Variants in CUEDC1 observed in about 807,000 individuals in gnomAD.
CUEDC1 encodes CUE domain containing 1, also known as CUE domain-containing protein 1.
CUEDC1 carries 30 observed loss-of-function variants against 43.7 expected under a neutral mutation model. That is an observed-to-expected ratio of 0.69 (90% CI 0.51 to 0.93). The LOEUF (loss-of-function observed/expected upper bound fraction) is 0.93, where lower values mean the gene tolerates loss of function less well. Ranked by LOEUF, CUEDC1 falls within the 40% of genes least tolerant of loss-of-function variation. CUEDC1 has a pLI of 0.00. For synonymous variants in CUEDC1, 223 were observed against 223.6 expected (o/e 1.00, Z 0.02); for missense variants, 486 against 549.0 (o/e 0.89, Z 1.15).
chr17:57,895,628 C>T (rs2074400418), intron 1 of CUEDC1, among the ~76,000 whole-genome samples: 1 of 152,204 alleles, frequency 6.6e-6, no homozygotes, highest in Admixed American at 6.5e-5. Flanking sequence ...GCCACCAGCT[C>T]AGCCAAGATA....
chr17:57,913,807 G>A (rs1348018683), intron 1 of CUEDC1, among the ~76,000 whole-genome samples: 3 of 152,164 alleles, frequency 2.0e-5, no homozygotes, highest in Non-Finnish European at 2.9e-5. Flanking sequence ...CCACTGGCCA[G>A]CACCCCACCC....
chr17:57,871,197 C>G, intron 6 of CUEDC1, 89 bp downstream of exon 6: 1 of 1,064,318 alleles, frequency 9.4e-7, no homozygotes, highest in Non-Finnish European at 1.5e-6. Flanking sequence ...TTTTTTCACC[C>G]TCCTCTCAAA....
chr17:57,912,718 A>G lies in CUEDC1; in HGVS notation c.-315-26839T>C, dbSNP rs543754432. 7.4e-4 allele frequency among the ~76,000 whole-genome samples: 113 copies of G among 152,350 alleles called. 3 individuals carry two copies. The South Asian group carries it at 0.023, about 30-fold the overall frequency. On this transcript the variant is annotated intron_variant, in intron 1 of 10. Transcript: ENST00000577830. ...CGCCACTGTGTAAAAATAAACTGCA[A>G]AAAGACCACTCAGGGAAGCTCCATC...
intron 6 of CUEDC1, among the ~76,000 whole-genome samples, chr17:57,870,677 TTC>T (rs1374160917): frequency 7.7e-6 from 1 of 129,874 alleles, no homozygotes; most frequent in African/African-American, 3.1e-5. Flanking sequence ...GGTCCTTTTC[TTC>T]TTTTTTTTTT....
chr17:57,913,952 G>A (rs920642778), intron 1 of CUEDC1, among the ~76,000 whole-genome samples: 3 of 152,148 alleles, frequency 2.0e-5, no homozygotes, highest in Admixed American at 1.3e-4. Context: ...GCACTTCTTG[G>A]CTCACTCCCA....
Position 57,885,430 on chromosome 17 carries a change from C to T in CUEDC1, c.135G>A (p.Leu45=). Reference sequence around the variant, plus strand: ...AGTCGTCCATGGCCTGGTTGAACTCCAGGCGGCGCACCTGGCGGGCAGGCC... The same window carrying T: ...AGTCGTCCATGGCCTGGTTGAACTCTAGGCGGCGCACCTGGCGGGCAGGCC... ...NSRPARQVRR[L]EFNQAMDDFK... is the part of the protein sequence containing the mutation. Residue 45 remains leucine, a synonymous_variant, in exon 2 of 11, where the codon CTG becomes CTA. Transcript: ENST00000577830. 1 of 1,602,860 alleles carries T rather than the reference C, an allele frequency of 6.2e-7. No homozygotes were observed. The highest frequency in any genetic ancestry group is 8.5e-7 in the Non-Finnish European group (1 of 1,176,190).
intron 2 of CUEDC1, among the ~76,000 whole-genome samples, chr17:57,884,192 C>CTTTTTTTTTTTT (rs780667346): frequency 8.6e-5 from 7 of 81,360 alleles, no homozygotes; most frequent in Non-Finnish European, 9.2e-5. Context: ...TTTTTCTTTT[C>CTTTTTTTTTTTT]TTTTTTTTTT....
chr17:57,948,427 G>A (rs1436492071), intron 1 of CUEDC1, among the ~76,000 whole-genome samples: 1 of 152,166 alleles, frequency 6.6e-6, no homozygotes, highest in East Asian at 1.9e-4. Context: ...ACCTGGCCCA[G>A]AGCTGTTGGG....
intron 1 of CUEDC1, among the ~76,000 whole-genome samples, chr17:57,887,898 C>CTTTTTTTTTTTTTTTTTT (rs748886251): frequency 8.5e-6 from 1 of 118,030 alleles, no homozygotes; most frequent in Non-Finnish European, 1.8e-5. Context: ...TTCTTTTTCT[C>CTTTTTTTTTTTTTTTTTT]TTTTTTTTTT....
At chr17:57,938,511 C>T (rs2143193871) in intron 1 of CUEDC1, among the ~76,000 whole-genome samples, 1 of 152,316 alleles carries the variant, frequency 6.6e-6, no homozygotes, top group South Asian at 2.1e-4. Context: ...AATGAGAGAG[C>T]TGGCAGCACC....
intron 1 of CUEDC1, among the ~76,000 whole-genome samples, chr17:57,901,073 C>T (rs2074466625): frequency 1.3e-5 from 2 of 152,214 alleles, no homozygotes; most frequent in African/African-American, 4.8e-5. Flanking sequence ...TTCTGATACA[C>T]AGTAAATTGT....
intron 1 of CUEDC1, among the ~76,000 whole-genome samples, chr17:57,907,893 C>T (rs2074545148): frequency 1.3e-5 from 2 of 151,400 alleles, no homozygotes; most frequent in Admixed American, 6.6e-5. Flanking sequence ...GAAAAAGCTG[C>T]CAGTGCACCC....
At chr17:57,937,777 G>A (rs1287233567) in intron 1 of CUEDC1, among the ~76,000 whole-genome samples, 4 of 151,898 alleles carry the variant, frequency 2.6e-5, no homozygotes, top group African/African-American at 9.7e-5. Flanking sequence ...ATGGTGGTGA[G>A]TGCCTGTAGT....
chr17:57,876,714 T>C (rs2074130973), intron 3 of CUEDC1, among the ~76,000 whole-genome samples: 1 of 152,200 alleles, frequency 6.6e-6, no homozygotes, highest in South Asian at 2.1e-4. Flanking sequence ...AGCAGAGCCA[T>C]CCTGGGGCAA....
chr17:57,909,555 T>C (rs1432939179), intron 1 of CUEDC1, among the ~76,000 whole-genome samples: 1 of 152,226 alleles, frequency 6.6e-6, no homozygotes, highest in East Asian at 1.9e-4. Context: ...CTCTCATCAC[T>C]GAGTCCTCAG....
rs189959970 is a variant in CUEDC1, at chr17:57,871,030, C to G, written c.868+256G>C. 2.5e-3 allele frequency among the ~76,000 whole-genome samples: 385 copies of G among 152,294 alleles called. 6 individuals are homozygous for G. In the East Asian group the frequency reaches 0.028, roughly 11 times the overall value. On this transcript the variant is annotated intron_variant, in intron 6 of 10. Transcript: ENST00000577830. ...CTCGAGGCATAGGTTGAGAGTTCAGCCAGCCTATGTTACTTGAACACAACT... is the reference window on the plus strand; with the variant it reads ...CTCGAGGCATAGGTTGAGAGTTCAGGCAGCCTATGTTACTTGAACACAACT...
intron 1 of CUEDC1, among the ~76,000 whole-genome samples, chr17:57,939,536 C>T (rs2074896209): frequency 6.6e-6 from 1 of 152,140 alleles, no homozygotes; most frequent in Non-Finnish European, 1.5e-5. Flanking sequence ...CACCTTGGCC[C>T]CCCAGAGTGC....
chr17:57,866,433 G>GC (rs757233274), intron 10 of CUEDC1, 41 bp downstream of exon 10: 5 of 1,595,320 alleles, frequency 3.1e-6, no homozygotes, highest in Non-Finnish European at 4.3e-6. Flanking sequence ...GGGGGCCCTG[G>GC]CCTTGGGCAG....
chr17:57,920,476 A>G (rs1252656956), intron 1 of CUEDC1, among the ~76,000 whole-genome samples: 1 of 152,236 alleles, frequency 6.6e-6, no homozygotes, highest in African/African-American at 2.4e-5. Flanking sequence ...ATAATAATCC[A>G]TCAGCAACAC....
Sources: allele counts gnomAD v4.1 joint callset (sites outside exome capture counted in the v4.1 genomes callset), GRCh38; gene constraint gnomAD v4.1.1; transcripts MANE v1.5; gene names NCBI Gene and HGNC (gene_info 2026-07-23, HGNC 2026-07-21).